The following KAZN variants were observed in gnomAD, a reference collection of about 807,000 sequenced individuals.
KAZN encodes kazrin.
KAZN carries 40 observed loss-of-function variants against 87.4 expected under a neutral mutation model. The observed-to-expected ratio is 0.46, with a 90% CI of 0.36 to 0.60. The LOEUF is 0.60. Ranked by LOEUF, KAZN falls within the 20% of genes least tolerant of loss-of-function variation. The pLI is 0.00. For synonymous variants in KAZN, 466 were observed against 458.3 expected (o/e 1.02, Z -0.22); for missense variants, 898 against 1,073.9 (o/e 0.84, Z 2.29).
At chr1:14,454,149 G>T (rs182131567) in intron 2 of KAZN, among the ~76,000 whole-genome samples, 1 of 152,180 alleles carries the variant, frequency 6.6e-6, no homozygotes, top group Non-Finnish European at 1.5e-5. Flanking sequence ...TCTCTGTGCA[G>T]CAAGGAGCTA....
At chr1:14,685,869 C>T (rs976921573) in intron 1 of KAZN, among the ~76,000 whole-genome samples, 2 of 152,120 alleles carry the variant, frequency 1.3e-5, no homozygotes, top group Non-Finnish European at 1.5e-5. Flanking sequence ...TGTGTGTGTG[C>T]GCACGTGTGT....
At chr1:15,110,313 G>T (rs1216701794) in intron 13 of KAZN, among the ~76,000 whole-genome samples, 1 of 151,210 alleles carries the variant, frequency 6.6e-6, no homozygotes, top group African/African-American at 2.4e-5. Flanking sequence ...GTGTGTATTT[G>T]TGTATTTGTG....
chr1:14,945,743 G>A (rs529548495), intron 1 of KAZN, among the ~76,000 whole-genome samples: 12 of 152,328 alleles, frequency 7.9e-5, no homozygotes, highest in South Asian at 6.2e-4. Context: ...GAGAGTAATC[G>A]GGAGTGAGTT....
chr1:13,915,871 G>A (rs2100884527), intron 1 of KAZN, among the ~76,000 whole-genome samples: 1 of 152,342 alleles, frequency 6.6e-6, no homozygotes, highest in African/African-American at 2.4e-5. Flanking sequence ...TTCTTTGGTT[G>A]TGAGCCACAT....
At chr1:14,521,290 C>T (rs1485771520) in intron 2 of KAZN, among the ~76,000 whole-genome samples, 1 of 152,132 alleles carries the variant, frequency 6.6e-6, no homozygotes, top group Non-Finnish European at 1.5e-5. Context: ...ACTCAGTGTG[C>T]CCAATGTGAT....
chr1:14,472,722 A>C (rs1338140065), intron 2 of KAZN, among the ~76,000 whole-genome samples: 1 of 151,846 alleles, frequency 6.6e-6, no homozygotes, highest in Non-Finnish European at 1.5e-5. Flanking sequence ...TGATTCCCTG[A>C]GATCTTTGTC....
chr1:14,812,777 GC>G (rs1442135815), intron 1 of KAZN, among the ~76,000 whole-genome samples: 5 of 151,946 alleles, frequency 3.3e-5, no homozygotes, highest in Admixed American at 1.3e-4. Flanking sequence ...GCTTCCCAAC[GC>G]ATTGGGATTG....
At chr1:14,703,792 G>T (rs1023220102) in intron 1 of KAZN, among the ~76,000 whole-genome samples, 5 of 152,202 alleles carry the variant, frequency 3.3e-5, no homozygotes, top group African/African-American at 1.2e-4. Context: ...AACCAGAGGA[G>T]TTGTTGAGCC....
chr1:14,909,008 G>C (rs777087190), intron 1 of KAZN, among the ~76,000 whole-genome samples: 17 of 152,068 alleles, frequency 1.1e-4, no homozygotes, highest in Non-Finnish European at 2.1e-4. Flanking sequence ...ATGTGGACTG[G>C]AGCCAGAACA....
At position 14,072,900 on chromosome 1, in the gene KAZN, G is replaced by T. The variant is rs551123398; in HGVS notation, c.92-107535G>T. On this transcript the variant is annotated intron_variant, in intron 1 of 16. Transcript: ENST00000636203. ...AATTCAGAGACCTGCTTGCCTTTCT[G>T]AATTTACTACCACTGAGAAAAAATT... Among the ~76,000 whole-genome samples, 255 of 152,270 alleles carry T rather than the reference G, an allele frequency of 1.7e-3. 1 individual carries two copies. The Middle Eastern group carries it at 0.02, about 12-fold the overall frequency.
At chr1:14,864,920 A>C (rs1434123731) in intron 1 of KAZN, among the ~76,000 whole-genome samples, 1 of 152,182 alleles carries the variant, frequency 6.6e-6, no homozygotes, top group Non-Finnish European at 1.5e-5. Context: ...TTACTGCATG[A>C]AAAAAGCTCA....
At chr1:14,779,188 AGACCATGTGCCATGGAGAAT>A (rs1160848305) in intron 1 of KAZN, among the ~76,000 whole-genome samples, 2 of 152,238 alleles carry the variant, frequency 1.3e-5, no homozygotes, top group Admixed American at 6.5e-5. Flanking sequence ...ACATGGCGAA[AGACCATGTGCCATGGAGAAT>A]GGGAAACATC....
At chr1:14,407,158 T>TG (rs1663919965) in intron 2 of KAZN, among the ~76,000 whole-genome samples, 1 of 152,232 alleles carries the variant, frequency 6.6e-6, no homozygotes, top group South Asian at 2.1e-4. Flanking sequence ...ATTCCGTCGA[T>TG]GGACATGTGG....
intron 2 of KAZN, among the ~76,000 whole-genome samples, chr1:14,391,938 C>T (rs150863191): frequency 7.7e-4 from 117 of 152,294 alleles, no homozygotes; most frequent in Middle Eastern, 3.4e-3. Context: ...ACCGTACTTG[C>T]ACTCATAATT....
chr1:14,758,352 T>TTATC (rs1476191191), intron 1 of KAZN, among the ~76,000 whole-genome samples: 1 of 151,862 alleles, frequency 6.6e-6, no homozygotes, highest in Non-Finnish European at 1.5e-5. Context: ...ATTTATTTAT[T>TTATC]TTTAGAGTTG....
intron 2 of KAZN, among the ~76,000 whole-genome samples, chr1:15,013,434 G>T (rs1213169893): frequency 1.3e-5 from 2 of 152,120 alleles, no homozygotes; most frequent in Admixed American, 6.6e-5. Flanking sequence ...AGCACTGAGG[G>T]ATCTGGCAAT....
intron 1 of KAZN, among the ~76,000 whole-genome samples, chr1:14,047,792 C>G (rs61777723): frequency 1.3e-5 from 2 of 151,036 alleles, no homozygotes; most frequent in East Asian, 3.9e-4. Context: ...CACTTGAGCA[C>G]GGGAGGTGGA....
intron 2 of KAZN, among the ~76,000 whole-genome samples, chr1:14,507,975 A>AAAC: frequency 1.0e-5 from 1 of 95,300 alleles, no homozygotes; most frequent in East Asian, 2.4e-4. Context: ...TCCAAAAAAT[A>AAAC]AATAAAAAAA....
rs1378994674 is a variant in KAZN, at chr1:15,115,689, C to A, written c.*1054C>A. The A allele has an allele frequency of 6.6e-6, 1 of 152,092 alleles. No homozygotes were observed. Among genetic ancestry groups the A allele is most frequent in the Admixed American group, 6.5e-5 (1 of 15,272 alleles). The allele number at this position is 152,092 out of a possible 1,614,324, so 9.4% of individuals were successfully genotyped here. On this transcript the variant is annotated 3_prime_UTR_variant, in exon 15 of 15. Coordinates refer to ENST00000376030, the MANE Select transcript of KAZN (RefSeq NM_201628.3). This position sits in a 1 kb window ranked among gnomAD's most constrained non-coding sequence, Gnocchi z 4.1. ...ATCATTTGGTATTGGTGGGGAGAAC[C>A]CCAGCCCTTTTCTTGACCTGCCACT...
Sources: allele counts gnomAD v4.1 joint callset (sites outside exome capture counted in the v4.1 genomes callset), GRCh38; gene constraint gnomAD v4.1.1; non-coding constraint Gnocchi (gnomAD v3.1); transcripts MANE v1.5; gene names NCBI Gene and HGNC (gene_info 2026-07-23, HGNC 2026-07-21).